The following SHANK2 variants were observed in gnomAD, a reference collection of about 807,000 sequenced individuals.
SHANK2 encodes SH3 and multiple ankyrin repeat domains protein 2.
In SHANK2, 43 loss-of-function variants were observed where a neutral mutation model predicts 133.7. The ratio of observed to expected loss-of-function variants is 0.32; its 90% CI spans 0.25 to 0.41. The LOEUF (loss-of-function observed/expected upper bound fraction) is 0.41, where lower values mean the gene tolerates loss of function less well. Ranked by LOEUF, SHANK2 falls within the 10% of genes least tolerant of loss-of-function variation. SHANK2 has a pLI of 1.00. For missense variants in SHANK2, 1,994 were observed against 2,235.8 expected (o/e 0.89, Z 2.18); for synonymous variants, 1,017 against 952.8 (o/e 1.07, Z -1.24).
intron 11 of SHANK2, among the ~76,000 whole-genome samples, chr11:70,871,166 C>A (rs1216419426): frequency 6.6e-6 from 1 of 152,208 alleles, no homozygotes; most frequent in African/African-American, 2.4e-5. Flanking sequence ...TCTGTAAAGA[C>A]CCTACCTCTA....
At chr11:71,245,850 G>A (rs1243022449) in intron 1 of SHANK2, among the ~76,000 whole-genome samples, 1 of 152,214 alleles carries the variant, frequency 6.6e-6, no homozygotes, top group Non-Finnish European at 1.5e-5. Context: ...CCCTTTCCTG[G>A]GGGACCTGTC....
intron 17 of SHANK2, among the ~76,000 whole-genome samples, chr11:70,621,870 C>T (rs2060833680): frequency 6.6e-6 from 1 of 152,124 alleles, no homozygotes; most frequent in Non-Finnish European, 1.5e-5. Flanking sequence ...GTGTGACTGA[C>T]AGGTGTTGCC....
intron 17 of SHANK2, among the ~76,000 whole-genome samples, chr11:70,552,171 A>G (rs1199804776): frequency 6.6e-6 from 1 of 152,226 alleles, no homozygotes; most frequent in South Asian, 2.1e-4. Flanking sequence ...TAATATGAGT[A>G]GGTGAGGTGA....
intron 17 of SHANK2, among the ~76,000 whole-genome samples, chr11:70,510,434 C>T (rs1184031909): frequency 2.0e-5 from 3 of 152,202 alleles, no homozygotes; most frequent in African/African-American, 7.2e-5. Flanking sequence ...CCCTTCCCCA[C>T]CCCACAGAGG....
chr11:70,665,080 C>A (rs1046789495), intron 15 of SHANK2, among the ~76,000 whole-genome samples: 1 of 152,194 alleles, frequency 6.6e-6, no homozygotes, highest in African/African-American at 2.4e-5. Context: ...CCTACAGGGA[C>A]CCCTCTGATC....
chr11:70,585,132 C>T (rs2060232439), intron 17 of SHANK2, among the ~76,000 whole-genome samples: 1 of 152,250 alleles, frequency 6.6e-6, no homozygotes, highest in African/African-American at 2.4e-5. Flanking sequence ...CACGCCCACT[C>T]TGGCTCAAGG....
At chr11:70,604,030 G>T (rs981874159) in intron 17 of SHANK2, 1 of 152,388 alleles carries the variant, frequency 6.6e-6, no homozygotes, top group Non-Finnish European at 1.5e-5. Context: ...GCCGCCCCAA[G>T]TGCCTGTGTG....
At chr11:70,556,393 T>TCTCTC in intron 17 of SHANK2, among the ~76,000 whole-genome samples, 1 of 11,976 alleles carries the variant, frequency 8.4e-5, no homozygotes, top group African/African-American at 2.1e-4. Context: ...CTTTCTTTCT[T>TCTCTC]TCTCTCTCTC....
chr11:70,687,811 C>T (rs79622744), intron 15 of SHANK2, among the ~76,000 whole-genome samples: 2,172 of 152,300 alleles, frequency 0.014, 18 homozygotes, highest in Non-Finnish European at 0.024. Flanking sequence ...TCTGGGAGTG[C>T]CCTCAGTGGG....
chr11:70,913,032 G>C (rs1320395043), intron 10 of SHANK2, among the ~76,000 whole-genome samples: 3 of 150,210 alleles, frequency 2.0e-5, no homozygotes, highest in Non-Finnish European at 4.4e-5. Flanking sequence ...TTCTAAGCCA[G>C]TTCCTCATTC....
At chr11:70,948,480 G>A (rs1315687824) in intron 10 of SHANK2, 13 of 426,804 alleles carry the variant, frequency 3.0e-5, no homozygotes, top group African/African-American at 2.4e-4. Flanking sequence ...GGGTTACCCA[G>A]GTTTCTACGC....
At chr11:71,204,712 G>C (rs1591017663) in intron 2 of SHANK2, among the ~76,000 whole-genome samples, 1 of 152,290 alleles carries the variant, frequency 6.6e-6, no homozygotes, top group East Asian at 1.9e-4. Flanking sequence ...ACCCTGACCA[G>C]AGACACAGAA....
intron 10 of SHANK2, among the ~76,000 whole-genome samples, chr11:70,923,692 G>A (rs4262747): frequency 0.96 from 146,424 of 152,292 alleles, 70,650 homozygotes; most frequent in East Asian, 1. Context: ...GGGACTACAA[G>A]TATGCACCAC....
chr11:70,714,349 G>A (rs1056755107), intron 14 of SHANK2, among the ~76,000 whole-genome samples: 13 of 152,044 alleles, frequency 8.6e-5, no homozygotes, highest in Non-Finnish European at 1.8e-4. Context: ...GATGAGTAAA[G>A]CCCTGTGTGT....
chr11:70,833,789 C>T (rs1380752595), intron 11 of SHANK2, among the ~76,000 whole-genome samples: 4 of 152,222 alleles, frequency 2.6e-5, no homozygotes, highest in South Asian at 2.1e-4. Flanking sequence ...AGCTTGTTGA[C>T]GAGGGAGGTC....
intron 14 of SHANK2, among the ~76,000 whole-genome samples, chr11:70,740,303 TG>T (rs138618581): frequency 0.013 from 2,030 of 152,340 alleles, 45 homozygotes; most frequent in African/African-American, 0.046. Context: ...TTGTCCGCAA[TG>T]GGTTCTCGTG....
intron 25 of SHANK2, among the ~76,000 whole-genome samples, chr11:70,482,298 C>T (rs147043400): frequency 6.6e-6 from 1 of 151,348 alleles, no homozygotes; most frequent in East Asian, 1.9e-4. Flanking sequence ...CTGTTATCGG[C>T]CGCAGGGTGA....
At chr11:70,488,405 C>G (rs906434508) in intron 24 of SHANK2, among the ~76,000 whole-genome samples, 6 of 152,178 alleles carry the variant, frequency 3.9e-5, no homozygotes, top group Admixed American at 3.9e-4. Flanking sequence ...TGGCTCTGTG[C>G]GTGCTGGGAG....
At chr11:71,152,229 C>G (rs1372506169) in intron 2 of SHANK2, among the ~76,000 whole-genome samples, 1 of 152,182 alleles carries the variant, frequency 6.6e-6, no homozygotes, top group Non-Finnish European at 1.5e-5. Flanking sequence ...TCTCCTGCCT[C>G]AGCCTCCCAA....
Sources: gnomAD v4.1 joint callset for allele counts (sites outside exome capture counted in the v4.1 genomes callset) on GRCh38, gnomAD v4.1.1 for gene constraint, MANE v1.5 for transcripts, NCBI Gene and HGNC (gene_info 2026-07-23, HGNC 2026-07-21) for gene names.